Variants in TENM3 observed in about 807,000 individuals in gnomAD.
The protein encoded by TENM3 is teneurin transmembrane protein 3.
Under a neutral mutation model 255.1 loss-of-function variants are expected in TENM3, and 63 were observed. The ratio of observed to expected loss-of-function variants is 0.25; its 90% CI spans 0.20 to 0.30. The LOEUF (loss-of-function observed/expected upper bound fraction) is 0.30, where lower values mean the gene tolerates loss of function less well. TENM3 is among the 10% of genes least tolerant of loss of function. The pLI is 1.00. For synonymous variants in TENM3, 1,306 were observed against 1,322.3 expected (o/e 0.99, Z 0.27); for missense variants, 2,929 against 3,461.1 (o/e 0.85, Z 3.86).
At chr4:182,427,868 G>A (rs908207445) in intron 3 of TENM3, among the ~76,000 whole-genome samples, 1 of 151,580 alleles carries the variant, frequency 6.6e-6, no homozygotes, top group Admixed American at 6.6e-5. Context: ...CCTTAAACAT[G>A]TTGCATCCAT....
the TENM3 span, among the ~76,000 whole-genome samples, chr4:181,916,958 T>TA: frequency 2.8e-4 from 43 of 151,870 alleles, 1 homozygote; most frequent in East Asian, 2.3e-3. Context: ...AGAGGCCTGA[T>TA]AAAAAAAAAT....
the TENM3 span, among the ~76,000 whole-genome samples, chr4:181,822,361 A>G: frequency 6.6e-6 from 1 of 152,206 alleles, no homozygotes; most frequent in South Asian, 2.1e-4. Flanking sequence ...TGCATAATTG[A>G]TTGGAGTTTT....
At chr4:182,173,307 T>A (rs1554025844) in intron 1 of TENM3, among the ~76,000 whole-genome samples, 1 of 152,212 alleles carries the variant, frequency 6.6e-6, no homozygotes, top group Non-Finnish European at 1.5e-5. Context: ...CAATGCAATG[T>A]CAGAGTGAAC....
chr4:181,857,256 C>A, the TENM3 span, among the ~76,000 whole-genome samples: 1 of 151,268 alleles, frequency 6.6e-6, no homozygotes, highest in South Asian at 2.1e-4. Flanking sequence ...AAGAAACCAG[C>A]CAGGAAAAGA....
intron 22 of TENM3, among the ~76,000 whole-genome samples, chr4:182,764,232 C>G (rs754008229): frequency 2.6e-5 from 4 of 152,226 alleles, no homozygotes; most frequent in Non-Finnish European, 4.4e-5. Context: ...GATCATCAAG[C>G]ATTTCCTGTT....
At chr4:182,535,584 C>T (rs906348857) in intron 3 of TENM3, among the ~76,000 whole-genome samples, 1 of 151,778 alleles carries the variant, frequency 6.6e-6, no homozygotes, top group Non-Finnish European at 1.5e-5. Flanking sequence ...AAAATAAAAA[C>T]TAAAAAATTA....
the TENM3 span, among the ~76,000 whole-genome samples, chr4:182,017,935 T>C: frequency 3.9e-5 from 6 of 152,186 alleles, no homozygotes; most frequent in Admixed American, 1.3e-4. Context: ...GTCTTAAAGC[T>C]ACTGAGCAAG....
intron 5 of TENM3, among the ~76,000 whole-genome samples, chr4:182,640,433 A>G (rs1752200926): frequency 1.3e-5 from 2 of 152,238 alleles, no homozygotes; most frequent in Non-Finnish European, 2.9e-5. Flanking sequence ...ATTGCATGAT[A>G]TGGTTAGTAA....
At chr4:182,461,295 G>A (rs1774304027) in intron 3 of TENM3, among the ~76,000 whole-genome samples, 4 of 152,186 alleles carry the variant, frequency 2.6e-5, no homozygotes, top group African/African-American at 9.6e-5. Context: ...TAGGCTTATG[G>A]ACAAGTGACA....
chr4:182,478,361 G>A (rs1026008602), intron 3 of TENM3, among the ~76,000 whole-genome samples: 3 of 151,726 alleles, frequency 2.0e-5, no homozygotes, highest in Non-Finnish European at 2.9e-5. Context: ...AATATTTAAT[G>A]GTTGATGTAC....
the TENM3 span, among the ~76,000 whole-genome samples, chr4:181,603,197 A>G: frequency 1.3e-5 from 2 of 152,178 alleles, no homozygotes; most frequent in Admixed American, 1.3e-4. Flanking sequence ...CTCTATATGA[A>G]GCAGTAGAAC....
chr4:181,774,968 G>T, the TENM3 span, among the ~76,000 whole-genome samples: 5 of 135,418 alleles, frequency 3.7e-5, 1 homozygote, highest in African/African-American at 1.3e-4. Context: ...GTTGTAGGTT[G>T]CCTGTTCACT....
At chr4:182,325,867 G>A (rs368537815) in intron 2 of TENM3, among the ~76,000 whole-genome samples, 11 of 152,176 alleles carry the variant, frequency 7.2e-5, no homozygotes, top group African/African-American at 2.4e-4. Context: ...TCCACACCAG[G>A]CAAGCATTTC....
the TENM3 span, among the ~76,000 whole-genome samples, chr4:181,626,923 A>G: frequency 0.17 from 26,012 of 152,214 alleles, 2,424 homozygotes; most frequent in African/African-American, 0.25. Context: ...TCTATTGTAT[A>G]GAATCTAAGG....
At chr4:181,545,344 C>T in the TENM3 span, among the ~76,000 whole-genome samples, 4 of 152,050 alleles carry the variant, frequency 2.6e-5, no homozygotes, top group Non-Finnish European at 5.9e-5. Context: ...TTTACTAGTC[C>T]GTGGTTTGTA....
the TENM3 span, among the ~76,000 whole-genome samples, chr4:181,712,826 T>C: frequency 6.6e-6 from 1 of 152,182 alleles, no homozygotes; most frequent in South Asian, 2.1e-4. Flanking sequence ...TCAGTAAGAA[T>C]GATTTATCAA....
At chr4:181,662,976 C>T in the TENM3 span, among the ~76,000 whole-genome samples, 7 of 152,098 alleles carry the variant, frequency 4.6e-5, no homozygotes, top group East Asian at 5.8e-4. Flanking sequence ...TATAGCTCAA[C>T]GATACCCGGA....
chr4:182,530,806 G>A (rs1197108028), intron 3 of TENM3, among the ~76,000 whole-genome samples: 10 of 152,180 alleles, frequency 6.6e-5, no homozygotes, highest in Admixed American at 4.6e-4. Flanking sequence ...GAAAGAGCTC[G>A]AAGTGAATCT....
At chr4:182,303,474 C>A (rs572451040) in intron 1 of TENM3, among the ~76,000 whole-genome samples, 1 of 152,106 alleles carries the variant, frequency 6.6e-6, no homozygotes, top group Admixed American at 6.6e-5. Flanking sequence ...CACAATAAAG[C>A]GTAAGAATTG....
Sources: allele counts gnomAD v4.1 joint callset (sites outside exome capture counted in the v4.1 genomes callset), GRCh38; gene constraint gnomAD v4.1.1; transcripts MANE v1.5; gene names NCBI Gene and HGNC (gene_info 2026-07-23, HGNC 2026-07-21).